TTC7A: variants seen among roughly 807,000 people sequenced by gnomAD.
TTC7A encodes the protein tetratricopeptide repeat domain 7A.
In TTC7A, 110 loss-of-function variants were observed where a neutral mutation model predicts 103.7. That is an observed-to-expected ratio of 1.06 (90% CI 0.91 to 1.24). TTC7A has a LOEUF of 1.24. Among genes scored for constraint, TTC7A ranks in the 50% most tolerant of loss-of-function variants. TTC7A has a pLI of 0.00. For synonymous variants in TTC7A, 521 were observed against 467.9 expected, an observed-to-expected ratio of 1.11 and a Z score of -1.47; for missense variants, 1,340 against 1,116.3, an observed-to-expected ratio of 1.20 and a Z score of -2.86.
chr2:46,986,587 C>T (rs756646088), intron 5 of TTC7A, among the ~76,000 whole-genome samples: 9 of 152,124 alleles, frequency 5.9e-5, no homozygotes, highest in Non-Finnish European at 1.2e-4. Flanking sequence ...GAGCAGTTCG[C>T]CCCAAGGGGC....
chr2:47,053,978 G>C (rs1303250820), intron 18 of TTC7A: 3 of 322,244 alleles, frequency 9.3e-6, no homozygotes, highest in Non-Finnish European at 1.3e-5. Context: ...ATAACTCCAA[G>C]TAAGGTTAAA....
intron 2 of TTC7A, among the ~76,000 whole-genome samples, chr2:46,953,303 A>G (rs969713833): frequency 1.3e-5 from 2 of 152,058 alleles, no homozygotes; most frequent in Non-Finnish European, 2.9e-5. Flanking sequence ...ATAGGCATGC[A>G]CCACCACACC....
intron 18 of TTC7A, among the ~76,000 whole-genome samples, chr2:47,054,558 T>C (rs999813869): frequency 6.6e-6 from 1 of 151,978 alleles, no homozygotes; most frequent in Non-Finnish European, 1.5e-5. Context: ...TCAGGCCGGG[T>C]GCGGTGGCTC....
At position 46,928,724 on chromosome 2, in the gene TTC7A, T is replaced by G. The variant is rs551274356; in HGVS notation, c.82+11447T>G. Among the ~76,000 whole-genome samples, 38 of 151,918 alleles carry G rather than the reference T, an allele frequency of 2.5e-4. No homozygotes were observed. The Middle Eastern group carries it at 0.01, about 41-fold the overall frequency. On this transcript the variant is annotated intron_variant, in intron 2 of 20. Coordinates refer to the TTC7A transcript ENST00000409245. ...GGTTGAGGCTGCAGTGAGCTGTGAT[T>G]GCACTACTGCACTCCAGCGTGGGTA... is the stretch of plus-strand genomic sequence containing the variant.
intron 5 of TTC7A, among the ~76,000 whole-genome samples, chr2:46,990,019 G>A (rs1675458862): frequency 6.6e-6 from 1 of 152,204 alleles, no homozygotes; most frequent in South Asian, 2.1e-4. Context: ...GTCATTCTTG[G>A]CTTTGGCCTC....
At chr2:47,042,896 G>T (rs1434604926) in intron 15 of TTC7A, among the ~76,000 whole-genome samples, 1 of 152,164 alleles carries the variant, frequency 6.6e-6, no homozygotes, top group African/African-American at 2.4e-5. Context: ...TAAGCAAGGG[G>T]AAGGGGAGCC....
intron 1 of TTC7A, among the ~76,000 whole-genome samples, chr2:46,944,975 A>G (rs1041264261): frequency 6.6e-6 from 1 of 152,244 alleles, no homozygotes; most frequent in African/African-American, 2.4e-5. Flanking sequence ...TTGTTAGGTT[A>G]GGTCTCTGTA....
chr2:47,003,475 A>G (rs565245860), intron 8 of TTC7A, among the ~76,000 whole-genome samples: 1 of 152,174 alleles, frequency 6.6e-6, no homozygotes, highest in Non-Finnish European at 1.5e-5. Flanking sequence ...AAGGGGTTCC[A>G]TGTCACTGGA....
intron 19 of TTC7A, among the ~76,000 whole-genome samples, chr2:47,067,252 C>A (rs1278532874): frequency 6.6e-6 from 1 of 152,236 alleles, no homozygotes; most frequent in Non-Finnish European, 1.5e-5. Flanking sequence ...TCTAGACTCT[C>A]TTGTGACTTC....
At chr2:47,066,400 A>G (rs1290323978) in intron 19 of TTC7A, among the ~76,000 whole-genome samples, 1 of 152,102 alleles carries the variant, frequency 6.6e-6, no homozygotes, top group Non-Finnish European at 1.5e-5. Flanking sequence ...GCGGGACCTG[A>G]GTCACTGAGG....
intron 2 of TTC7A, among the ~76,000 whole-genome samples, chr2:46,953,836 A>G (rs1236473760): frequency 7.2e-6 from 1 of 139,106 alleles, no homozygotes; most frequent in East Asian, 2.1e-4. Context: ...TTTTTTTTCA[A>G]TTTTTTGTAG....
intron 3 of TTC7A, among the ~76,000 whole-genome samples, chr2:46,960,947 C>A (rs947788380): frequency 1.3e-5 from 2 of 152,208 alleles, no homozygotes; most frequent in African/African-American, 4.8e-5. Context: ...CAGCCATTTT[C>A]TTGGCATTTG....
rs1683733385 is a variant in TTC7A, at chr2:47,060,963, C to T, written c.2347C>T (p.His783Tyr). The change falls in exon 19 of 20, where the codon CAT becomes TAT. Residue 783 changes from histidine to tyrosine, a missense_variant. Coordinates refer to ENST00000319190, the MANE Select transcript of TTC7A (RefSeq NM_020458.4). ...GAACCCAGATGGCGTGCGCATCATG[C>T]ATAGCCTGGTGAGTCAGAGCCCCCC... Reference protein sequence around the residue: ...TVNPDGVRIMHSLGLMLSRLG... With the variant: ...TVNPDGVRIMYSLGLMLSRLG... 1 of 1,609,840 alleles carries T rather than the reference C, an allele frequency of 6.2e-7. No homozygotes were observed. Among genetic ancestry groups the T allele is most frequent in the Non-Finnish European group, 8.5e-7 (1 of 1,177,468 alleles).
At position 46,994,533 on chromosome 2, in the gene TTC7A, G is replaced by C. The variant is rs773570951; in HGVS notation, c.1001+19G>C. The C allele has an allele frequency of 3.1e-6, 5 of 1,612,142 alleles. No homozygotes were observed. The highest frequency in any genetic ancestry group is 3.3e-5 in the Admixed American group (2 of 59,912). ...GAGACAAGTAAGTTCTGCCTGCCCT[G>C]CTGCACCTTGCCAGTCTCACATCTC... is the stretch of plus-strand genomic sequence containing the variant. On this transcript the variant is annotated intron_variant, in intron 7 of 19. Coordinates refer to ENST00000319190, the MANE Select transcript of TTC7A (RefSeq NM_020458.4).
upstream of TTC7A, among the ~76,000 whole-genome samples, chr2:46,940,369 C>T (rs1430530850): frequency 6.6e-6 from 1 of 152,122 alleles, no homozygotes. The surrounding 1 kb of genome is among the most constrained non-coding windows in gnomAD (Gnocchi z 4.7). Context: ...GTGGCTTCTC[C>T]AGCACTGGTC....
intron 2 of TTC7A, among the ~76,000 whole-genome samples, chr2:46,953,336 G>A (rs1671567253): frequency 6.6e-6 from 1 of 152,120 alleles, no homozygotes; most frequent in Non-Finnish European, 1.5e-5. Flanking sequence ...AAATTTTTTT[G>A]TAGAGACAAA....
chr2:47,037,480 A>G (rs1681239582), intron 15 of TTC7A, among the ~76,000 whole-genome samples: 1 of 152,184 alleles, frequency 6.6e-6, no homozygotes, highest in African/African-American at 2.4e-5. Context: ...TTTGGTCTTT[A>G]CAGCACCCCT....
chr2:46,919,568 G>C (rs1040238135), intron 2 of TTC7A, among the ~76,000 whole-genome samples: 4 of 152,176 alleles, frequency 2.6e-5, no homozygotes, highest in Non-Finnish European at 5.9e-5. Flanking sequence ...TAAGTTATTT[G>C]TGATTACTAT....
Position 47,011,431 on chromosome 2 carries a change from G to C in TTC7A, c.1388G>C (p.Arg463Pro), listed in dbSNP as rs761123950. 1 of 1,604,776 alleles carries C rather than the reference G, an allele frequency of 6.2e-7. No homozygotes were observed. The highest frequency in any genetic ancestry group is 2.2e-5 in the East Asian group (1 of 44,814). The change falls in exon 11 of 20, where the codon CGC becomes CCC. Residue 463 changes from arginine (R) to proline (P), a missense_variant. Physicochemically the swap from Arg to Pro is moderately radical, Grantham distance 103. Transcript: ENST00000319190. ...MAAKVCIGSL[R>P]WLEEAEHFAM... ...GCGAAGGTCTGCATCGGGTCCCTTC[G>C]CTGGGTGAGTGAGCTGTGAGGGCAG... is the stretch of plus-strand genomic sequence containing the variant.
Sources: gnomAD v4.1 joint callset for allele counts (sites outside exome capture counted in the v4.1 genomes callset) on GRCh38, gnomAD v4.1.1 for gene constraint, Gnocchi (gnomAD v3.1) non-coding constraint, MANE v1.5 for transcripts, NCBI Gene and HGNC (gene_info 2026-07-23, HGNC 2026-07-21) for gene names.